Variants in ZNF367 observed in about 807,000 individuals in gnomAD.
ZNF367 encodes zinc finger protein 367, also known as C2H2 zinc finger protein ZFF29.
Under a neutral mutation model 31.8 loss-of-function variants are expected in ZNF367, and 11 were observed. The observed-to-expected ratio is 0.35, with a 90% CI of 0.22 to 0.57. The LOEUF is 0.57. Among genes scored for constraint, ZNF367 ranks in the 20% least tolerant of loss-of-function variants. ZNF367 has a pLI of 0.85. For synonymous variants in ZNF367, 199 were observed against 202.4 expected (o/e 0.98, Z 0.14); for missense variants, 353 against 484.1 (o/e 0.73, Z 2.54).
chr9:96,410,000 G>C (rs545433232), intron 1 of ZNF367, among the ~76,000 whole-genome samples: 1 of 152,354 alleles, frequency 6.6e-6, no homozygotes, highest in South Asian at 2.1e-4. Context: ...CACAGGCCAG[G>C]CGCGGTGGCT....
chr9:96,403,158 C>T (rs2131077132), intron 1 of ZNF367, among the ~76,000 whole-genome samples: 1 of 152,090 alleles, frequency 6.6e-6, no homozygotes, highest in South Asian at 2.1e-4. Flanking sequence ...TTAGTAGAGA[C>T]ATGGTTTCAC....
intron 1 of ZNF367, among the ~76,000 whole-genome samples, chr9:96,412,121 A>G (rs1831758422): frequency 6.6e-6 from 1 of 152,152 alleles, no homozygotes; most frequent in Admixed American, 6.5e-5. Flanking sequence ...CTTAAAGAGG[A>G]CCCTCTTCCT....
At chr9:96,402,609 C>T (rs1336784633) in intron 1 of ZNF367, among the ~76,000 whole-genome samples, 4 of 143,572 alleles carry the variant, frequency 2.8e-5, no homozygotes, top group Non-Finnish European at 6.0e-5. Context: ...CCCACCACCA[C>T]GCCTGGCTAA....
intron 1 of ZNF367, among the ~76,000 whole-genome samples, chr9:96,412,207 G>A (rs2131082494): frequency 6.6e-6 from 1 of 152,288 alleles, no homozygotes; most frequent in African/African-American, 2.4e-5. Context: ...CAGCAGCCAA[G>A]TGCACCTGGA....
chr9:96,390,327 A>G (rs1831457737), intron 4 of ZNF367, among the ~76,000 whole-genome samples: 1 of 152,248 alleles, frequency 6.6e-6, no homozygotes, highest in South Asian at 2.1e-4. Context: ...TAAAAAAAGA[A>G]AGTGCAAATT....
chr9:96,386,220 AT>A lies in ZNF367; in HGVS notation c.*2016del, dbSNP rs1157356373. ...TTCTTAAACTGTTGCAATTATACAA[AT>A]AAAAAATGTTTATGAAAAAACTATT... On this transcript the variant is annotated 3_prime_UTR_variant, in exon 5 of 5. Coordinates refer to ENST00000375256, the MANE Select transcript of ZNF367 (RefSeq NM_153695.4). The A allele has an allele frequency of 1.3e-5, 2 of 152,206 alleles. No homozygotes were observed. The highest frequency in any genetic ancestry group is 2.4e-5 in the African/African-American group (1 of 41,460). The allele number at this position is 152,206 out of a possible 1,614,324, so 9.4% of individuals were successfully genotyped here. A position where few individuals can be genotyped will look rare whatever the true frequency, so the allele number is the denominator to read the frequency against.
chr9:96,398,359 A>G (rs756213325), intron 1 of ZNF367, 45 bp from the exon 2 acceptor site: 5 of 1,539,500 alleles, frequency 3.2e-6, no homozygotes, highest in Non-Finnish European at 4.4e-6. Flanking sequence ...ATTTAACGCT[A>G]CTCATTAAAG....
intron 1 of ZNF367, among the ~76,000 whole-genome samples, chr9:96,409,535 G>A (rs1475934344): frequency 1.3e-5 from 2 of 152,216 alleles, no homozygotes; most frequent in East Asian, 1.9e-4. Context: ...ACGAATATCT[G>A]TTGATGAAAC....
chr9:96,404,448 C>A (rs1831646359), intron 1 of ZNF367, among the ~76,000 whole-genome samples: 2 of 152,008 alleles, frequency 1.3e-5, no homozygotes. Context: ...AAAAAATTAG[C>A]CGGGCGCGGT....
At chr9:96,407,852 C>T (rs1182503346) in intron 1 of ZNF367, 4 of 651,416 alleles carry the variant, frequency 6.1e-6, no homozygotes, top group Non-Finnish European at 7.5e-6. Flanking sequence ...CTGATCCGCC[C>T]GCCTTAGCCT....
chr9:96,399,727 A>G (rs905299511), intron 1 of ZNF367, among the ~76,000 whole-genome samples: 1 of 152,204 alleles, frequency 6.6e-6, no homozygotes, highest in Admixed American at 6.5e-5. Context: ...CTGACGCAGG[A>G]GAATTGCTTG....
At chr9:96,409,914 G>C (rs1382844600) in intron 1 of ZNF367, among the ~76,000 whole-genome samples, 1 of 152,142 alleles carries the variant, frequency 6.6e-6, no homozygotes, top group Non-Finnish European at 1.5e-5. Context: ...AAAGAATATA[G>C]CATCTGTGAT....
In ZNF367 at chr9:96,418,045, C is replaced by A; in HGVS notation, c.-13G>T. ...AGCCCCGGATCATCGCCCGGCCCGA[C>A]CCCCAGCTCCGGCGGCCCCGGGCCG... is the stretch of plus-strand genomic sequence containing the variant. On this transcript the variant is annotated 5_prime_UTR_variant, in exon 1 of 5. Coordinates refer to ENST00000375256, the MANE Select transcript of ZNF367 (RefSeq NM_153695.4). The A allele has an allele frequency of 4.4e-6, 6 of 1,356,946 alleles. No homozygotes were observed. Among genetic ancestry groups the A allele is most frequent in the Admixed American group, 3.9e-5 (1 of 25,764 alleles). 84.1% of individuals were successfully genotyped at this position (1,356,946 alleles called of 1,614,324 possible). A position where few individuals can be genotyped will look rare whatever the true frequency, so the allele number is the denominator to read the frequency against.
chr9:96,388,142 T>A lies in ZNF367; in HGVS notation c.*95A>T. On this transcript the variant is annotated 3_prime_UTR_variant, in exon 5 of 5. Coordinates refer to ENST00000375256, the MANE Select transcript of ZNF367 (RefSeq NM_153695.4). The stretch of plus-strand genomic sequence containing the variant: ...TAAATTTCTACAGAATAGCAGCCTA[T>A]GATAAGCAAATAAGGTGCTTAGCTT... The A allele has an allele frequency of 8.1e-7, 1 of 1,235,060 alleles. No homozygotes were observed. The highest frequency in any genetic ancestry group is 1.1e-6 in the Non-Finnish European group (1 of 891,412). 76.5% of individuals were successfully genotyped at this position (1,235,060 alleles called of 1,614,324 possible).
intron 4 of ZNF367, among the ~76,000 whole-genome samples, chr9:96,388,719 A>C (rs1564138719): frequency 1.3e-5 from 2 of 152,218 alleles, no homozygotes; most frequent in Non-Finnish European, 2.9e-5. Flanking sequence ...TTTTGCCATT[A>C]AACTATCACC....
At chr9:96,394,404 A>G (rs531978501) in intron 3 of ZNF367, among the ~76,000 whole-genome samples, 2 of 152,214 alleles carry the variant, frequency 1.3e-5, no homozygotes, top group Non-Finnish European at 2.9e-5. Context: ...GAAAGAATGA[A>G]TAAGACCTAG....
In ZNF367 at chr9:96,388,315, C is replaced by T. The variant is rs1564138593; in HGVS notation, c.975G>A (p.Gln325=). 6.2e-7 allele frequency: 1 copy of T among 1,612,416 alleles called. No homozygotes were observed. The change falls in exon 5 of 5, where the codon CAG becomes CAA. Residue 325 remains glutamine (Q), a synonymous_variant. Transcript: ENST00000375256. ...DEKRGAQRRL[Q]EQRERLHGAL... is the part of the protein sequence containing the mutation. ...CTCCATGCAGGCGCTCCCGCTGCTC[C>T]TGCAGCCGGCGCTGGGCCCCTCTCT...
chr9:96,418,056 G>A lies in ZNF367; in HGVS notation c.-24C>T. ...ATCGCCCGGCCCGACCCCCAGCTCCGGCGGCCCCGGGCCGCACTCCTGAGC... is the reference window on the plus strand; with the variant it reads ...ATCGCCCGGCCCGACCCCCAGCTCCAGCGGCCCCGGGCCGCACTCCTGAGC... On this transcript the variant is annotated 5_prime_UTR_variant, in exon 1 of 5. Transcript: ENST00000375256. 2 of 1,351,988 alleles carry A rather than the reference G, an allele frequency of 1.5e-6. No homozygotes were observed. The highest frequency in any genetic ancestry group is 1.9e-6 in the Non-Finnish European group (2 of 1,057,654). The allele number at this position is 1,351,988 out of a possible 1,614,324, so 83.7% of individuals were successfully genotyped here.
At chr9:96,388,576 T>C (rs1340160508) in intron 4 of ZNF367, 117 bp from the exon 5 acceptor site, 2 of 946,860 alleles carry the variant, frequency 2.1e-6, no homozygotes, top group South Asian at 1.8e-5. Context: ...GTTTATAAAG[T>C]TATAAAGTGA....
Sources: allele counts gnomAD v4.1 joint callset (sites outside exome capture counted in the v4.1 genomes callset), GRCh38; gene constraint gnomAD v4.1.1; transcripts MANE v1.5; gene names NCBI Gene and HGNC (gene_info 2026-07-23, HGNC 2026-07-21).